Variants in SAMTOR observed in about 807,000 individuals in gnomAD.
The protein encoded by SAMTOR is UPF0532 protein C7orf60.
chr7:112,872,080 C>A, the SAMTOR span, among the ~76,000 whole-genome samples: 3 of 151,966 alleles, frequency 2.0e-5, no homozygotes, highest in African/African-American at 4.8e-5. Flanking sequence ...TGGAACTATC[C>A]CCCCAAAAAA....
At chr7:112,856,469 C>T in the SAMTOR span, among the ~76,000 whole-genome samples, 5 of 151,930 alleles carry the variant, frequency 3.3e-5, no homozygotes, top group Non-Finnish European at 5.9e-5. Flanking sequence ...AGGCTGGTCT[C>T]GAACTCCTGA....
At chr7:112,924,108 G>A in the SAMTOR span, among the ~76,000 whole-genome samples, 1 of 151,738 alleles carries the variant, frequency 6.6e-6, no homozygotes, top group South Asian at 2.1e-4. Flanking sequence ...ACGAGTTAAT[G>A]GGTGCAGCAC....
At chr7:112,892,583 A>C in the SAMTOR span, among the ~76,000 whole-genome samples, 92,863 of 151,828 alleles carry the variant, frequency 0.61, 31,596 homozygotes, top group East Asian at 0.9. Flanking sequence ...TGCCTGGGCA[A>C]TATAGGGAGA....
the SAMTOR span, chr7:112,895,691 C>T: frequency 1.2e-4 from 190 of 1,578,858 alleles, 1 homozygote; most frequent in African/African-American, 2.0e-3. Flanking sequence ...TTTCATCTTT[C>T]TCAAGTGCTT....
the SAMTOR span, chr7:112,832,498 A>G: frequency 1.1e-6 from 1 of 913,210 alleles, no homozygotes; most frequent in Non-Finnish European, 1.8e-6. Context: ...ATGCAAAGAC[A>G]GTGCTTTTCT....
the SAMTOR span, among the ~76,000 whole-genome samples, chr7:112,930,867 G>A: frequency 6.6e-6 from 1 of 152,160 alleles, no homozygotes; most frequent in South Asian, 2.1e-4. Context: ...CAACAAACCT[G>A]GTAGTCAAAA....
the SAMTOR span, among the ~76,000 whole-genome samples, chr7:112,937,700 G>A: frequency 6.7e-6 from 1 of 149,504 alleles, no homozygotes; most frequent in Admixed American, 6.7e-5. Flanking sequence ...GAAATTCAGG[G>A]TATTAAAGCG....
chr7:112,912,266 GTATA>G, the SAMTOR span, among the ~76,000 whole-genome samples: 5 of 151,970 alleles, frequency 3.3e-5, no homozygotes, highest in African/African-American at 1.2e-4. Context: ...TGTGTTTATA[GTATA>G]TATTTCTCTG....
At chr7:112,875,247 T>C in the SAMTOR span, among the ~76,000 whole-genome samples, 3 of 152,166 alleles carry the variant, frequency 2.0e-5, no homozygotes, top group Non-Finnish European at 4.4e-5. Context: ...TCCCTTGATC[T>C]TTAGTTGTGG....
chr7:112,906,570 TATC>T, the SAMTOR span, among the ~76,000 whole-genome samples: 1 of 65,472 alleles, frequency 1.5e-5, no homozygotes, highest in African/African-American at 5.5e-5. Flanking sequence ...TGGAAAGACA[TATC>T]TTTTTTTTTT....
the SAMTOR span, among the ~76,000 whole-genome samples, chr7:112,822,598 T>G: frequency 2.0e-5 from 3 of 152,114 alleles, no homozygotes; most frequent in African/African-American, 7.2e-5. Context: ...TAAATATATG[T>G]TTTTTGCCTA....
At chr7:112,914,972 G>A in the SAMTOR span, among the ~76,000 whole-genome samples, 1 of 152,100 alleles carries the variant, frequency 6.6e-6, no homozygotes, top group African/African-American at 2.4e-5. Flanking sequence ...CAGGTGCGGT[G>A]GCTCACGTCT....
chr7:112,904,354 C>T, the SAMTOR span, among the ~76,000 whole-genome samples: 1 of 151,950 alleles, frequency 6.6e-6, no homozygotes, highest in Non-Finnish European at 1.5e-5. Context: ...TATACAATTG[C>T]AATGCAATAA....
chr7:112,917,329 G>A, the SAMTOR span, among the ~76,000 whole-genome samples: 1 of 152,194 alleles, frequency 6.6e-6, no homozygotes, highest in Non-Finnish European at 1.5e-5. Context: ...CGCTGCTCCA[G>A]GCAAACAGGG....
chr7:112,833,080 C>G, the SAMTOR span, among the ~76,000 whole-genome samples: 1 of 152,134 alleles, frequency 6.6e-6, no homozygotes, highest in Non-Finnish European at 1.5e-5. Context: ...CTGGCTCCCC[C>G]ACCCCCAACC....
the SAMTOR span, among the ~76,000 whole-genome samples, chr7:112,892,632 C>T: frequency 6.6e-6 from 1 of 151,954 alleles, no homozygotes. Context: ...GTTAGCTGGG[C>T]ATGGTGGTGC....
the SAMTOR span, among the ~76,000 whole-genome samples, chr7:112,891,344 C>T: frequency 2.0e-5 from 3 of 152,060 alleles, no homozygotes; most frequent in Non-Finnish European, 2.9e-5. Flanking sequence ...GATTTTTAAA[C>T]GTAATTGCTT....
the SAMTOR span, among the ~76,000 whole-genome samples, chr7:112,904,910 G>A: frequency 3.9e-5 from 6 of 152,266 alleles, no homozygotes; most frequent in African/African-American, 1.4e-4. Context: ...GTGTTGGAGG[G>A]TGTGCTTATA....
At chr7:112,919,400 C>T in the SAMTOR span, among the ~76,000 whole-genome samples, 18 of 152,116 alleles carry the variant, frequency 1.2e-4, no homozygotes, top group East Asian at 5.8e-4. Context: ...TTGAAACCAA[C>T]GAGAACAAAG....
Sources: gnomAD v4.1 joint callset for allele counts (sites outside exome capture counted in the v4.1 genomes callset) on GRCh38, gnomAD v4.1.1 for gene constraint, MANE v1.5 for transcripts, NCBI Gene and HGNC (gene_info 2026-07-23, HGNC 2026-07-21) for gene names.